NSG2: variants seen among roughly 807,000 people sequenced by gnomAD.
NSG2 encodes neuronal vesicle trafficking associated 2, also known as neuronal vesicle trafficking-associated protein 2.
In NSG2, 4 loss-of-function variants were observed where a neutral mutation model predicts 16.9. The ratio of observed to expected loss-of-function variants is 0.24; its 90% confidence interval spans 0.12 to 0.54. The LOEUF (loss-of-function observed/expected upper bound fraction) is 0.54. Among genes scored for constraint, NSG2 ranks in the 20% least tolerant of loss-of-function variants. NSG2 has a pLI of 0.95. For synonymous variants in NSG2, 98 were observed against 88.7 expected (o/e 1.11, Z -0.59); for missense variants, 179 against 221.1 (o/e 0.81, Z 1.21).
At chr5:174,075,508 G>C (rs57112569) in intron 3 of NSG2, among the ~76,000 whole-genome samples, 4 of 152,058 alleles carry the variant, frequency 2.6e-5, no homozygotes, top group Non-Finnish European at 5.9e-5. Context: ...TTAATTTTGC[G>C]TTGGCTCTCT....
In NSG2 at chr5:174,104,302, C is replaced by T. The variant is rs778625189; in HGVS notation, c.288C>T (p.Thr96=). 18 of 1,613,974 alleles carry T rather than the reference C, an allele frequency of 1.1e-5. No individual in the cohort carries two copies. Among genetic ancestry groups the T allele is most frequent in the Admixed American group, 3.3e-5 (2 of 60,008 alleles). Residue 96 remains threonine (T), a synonymous_variant, in exon 4 of 5, where the codon ACC becomes ACT. Transcript: ENST00000303177. ...IVFLVVYKAF[T]YDHSCPEGFV... is the part of the protein sequence containing the mutation. The stretch of plus-strand genomic sequence containing the variant: ...TCCTGGTGGTTTACAAAGCCTTCAC[C>T]TATGATCACAGCTGCCCAGAGGGAT...
chr5:174,103,712 C>T (rs901505816), intron 3 of NSG2, among the ~76,000 whole-genome samples: 3 of 152,002 alleles, frequency 2.0e-5, no homozygotes, highest in Admixed American at 6.5e-5. Context: ...TTTGAGAGGC[C>T]GAAGCAGGTG....
At chr5:174,060,990 T>G (rs1760040819) in intron 2 of NSG2, among the ~76,000 whole-genome samples, 1 of 152,106 alleles carries the variant, frequency 6.6e-6, no homozygotes, top group African/African-American at 2.4e-5. Context: ...ATACAGCACA[T>G]GAACACCATG....
At chr5:174,079,165 G>C (rs756691601) in intron 3 of NSG2, among the ~76,000 whole-genome samples, 28 of 152,046 alleles carry the variant, frequency 1.8e-4, no homozygotes, top group Non-Finnish European at 2.1e-4. Flanking sequence ...CTGGCACCAG[G>C]TTTTAACCAA....
chr5:174,096,731 G>T (rs1009155729), intron 3 of NSG2, among the ~76,000 whole-genome samples: 12 of 152,136 alleles, frequency 7.9e-5, no homozygotes, highest in African/African-American at 1.2e-4. Flanking sequence ...GGGGCAGGGG[G>T]AGATAAATAA....
At chr5:174,092,265 G>A (rs1185484909) in intron 3 of NSG2, among the ~76,000 whole-genome samples, 3 of 152,274 alleles carry the variant, frequency 2.0e-5, no homozygotes, top group Non-Finnish European at 4.4e-5. Flanking sequence ...GCCCCACCAT[G>A]CAATGTTCAG....
intron 2 of NSG2, 78 bp downstream of exon 2, chr5:174,046,962 C>A: frequency 4.1e-6 from 6 of 1,473,208 alleles, no homozygotes; most frequent in Non-Finnish European, 4.7e-6. Flanking sequence ...AAATTCCACC[C>A]CCCAAATCCT....
At chr5:174,049,773 G>A (rs931595175) in intron 2 of NSG2, among the ~76,000 whole-genome samples, 2 of 152,120 alleles carry the variant, frequency 1.3e-5, no homozygotes, top group African/African-American at 4.8e-5. Flanking sequence ...TTCTCTGAGT[G>A]GAAAATTGTA....
At chr5:174,092,730 G>T (rs1040338099) in intron 3 of NSG2, among the ~76,000 whole-genome samples, 1 of 152,048 alleles carries the variant, frequency 6.6e-6, no homozygotes, top group South Asian at 2.1e-4. Context: ...GTACATTAGC[G>T]CACTGATTTA....
intron 2 of NSG2, among the ~76,000 whole-genome samples, chr5:174,057,442 G>A (rs998215779): frequency 2.0e-5 from 3 of 152,022 alleles, no homozygotes; most frequent in African/African-American, 7.3e-5. Flanking sequence ...TGACTTTATC[G>A]TTTATGGAAG....
chr5:174,102,589 T>C (rs1044649377), intron 3 of NSG2, among the ~76,000 whole-genome samples: 2 of 146,770 alleles, frequency 1.4e-5, no homozygotes, highest in African/African-American at 5.3e-5. Context: ...GCCTCTGAAG[T>C]TAACCAATTA....
chr5:174,086,510 T>G (rs1428880485), intron 3 of NSG2: 2 of 152,226 alleles, frequency 1.3e-5, no homozygotes, highest in Non-Finnish European at 2.9e-5. Context: ...TCCCTCTAGG[T>G]CCCGAGCATG....
At chr5:174,080,817 T>A (rs1209798301) in intron 3 of NSG2, among the ~76,000 whole-genome samples, 1 of 152,070 alleles carries the variant, frequency 6.6e-6, no homozygotes, top group Non-Finnish European at 1.5e-5. Flanking sequence ...CCCGCCTTGG[T>A]CTCCCAAAGT....
At chr5:174,048,081 G>A (rs1467424404) in intron 2 of NSG2, among the ~76,000 whole-genome samples, 2 of 152,248 alleles carry the variant, frequency 1.3e-5, no homozygotes, top group African/African-American at 4.8e-5. Flanking sequence ...ACGTGCAGGG[G>A]TGGGGTGGCA....
At chr5:174,071,107 G>T (rs1281899433) in intron 3 of NSG2, among the ~76,000 whole-genome samples, 1 of 152,224 alleles carries the variant, frequency 6.6e-6, no homozygotes, top group African/African-American at 2.4e-5. Context: ...GGGAGAAGCT[G>T]CAGTGGGAGG....
intron 2 of NSG2, among the ~76,000 whole-genome samples, chr5:174,057,872 G>A (rs1489472728): frequency 2.0e-5 from 3 of 152,162 alleles, no homozygotes; most frequent in African/African-American, 7.2e-5. Flanking sequence ...GATCTAGAGG[G>A]ATCTTTCCCC....
At chr5:174,053,322 C>T (rs1233490461) in intron 2 of NSG2, among the ~76,000 whole-genome samples, 1 of 151,988 alleles carries the variant, frequency 6.6e-6, no homozygotes, top group Non-Finnish European at 1.5e-5. Context: ...CAGAATATGT[C>T]TCTTGAAGAT....
chr5:174,083,272 C>T (rs1760523211), intron 3 of NSG2, among the ~76,000 whole-genome samples: 1 of 152,236 alleles, frequency 6.6e-6, no homozygotes, highest in Non-Finnish European at 1.5e-5. Context: ...AGGCATTCAG[C>T]TTGTATCTAT....
At chr5:174,061,606 C>CT (rs1396728849) in intron 2 of NSG2, among the ~76,000 whole-genome samples, 4 of 151,844 alleles carry the variant, frequency 2.6e-5, no homozygotes, top group South Asian at 2.1e-4. Flanking sequence ...TTCCAAAACT[C>CT]TTTTTTTTCT....
Sources: allele counts gnomAD v4.1 joint callset (sites outside exome capture counted in the v4.1 genomes callset), GRCh38; gene constraint gnomAD v4.1.1; transcripts MANE v1.5; gene names NCBI Gene and HGNC (gene_info 2026-07-23, HGNC 2026-07-21).